The following LRRC4C variants were observed in gnomAD, a reference collection of about 807,000 sequenced individuals.
The protein encoded by LRRC4C is leucine-rich repeat-containing protein 4C.
LRRC4C carries 5 observed loss-of-function variants against 33.6 expected under a neutral mutation model. That is an observed-to-expected ratio of 0.15 (90% CI 0.08 to 0.31). The LOEUF (loss-of-function observed/expected upper bound fraction) is 0.31. Ranked by LOEUF, LRRC4C falls within the 10% of genes least tolerant of loss-of-function variation. LRRC4C has a pLI of 1.00. For missense variants in LRRC4C, 560 were observed against 796.7 expected (o/e 0.70, Z 3.58); for synonymous variants, 329 against 302.0 (o/e 1.09, Z -0.93).
chr11:41,375,990 G>A (rs1242683505), intron 1 of LRRC4C, among the ~76,000 whole-genome samples: 1 of 151,662 alleles, frequency 6.6e-6, no homozygotes, highest in Non-Finnish European at 1.5e-5. Flanking sequence ...ATGAAAGATT[G>A]GAGAATTCAC....
At chr11:40,929,163 T>C (rs1677151763) in intron 2 of LRRC4C, among the ~76,000 whole-genome samples, 4 of 152,166 alleles carry the variant, frequency 2.6e-5, no homozygotes, top group African/African-American at 9.7e-5. Flanking sequence ...TAAAGCAAAT[T>C]ATTAAAATAA....
intron 4 of LRRC4C, among the ~76,000 whole-genome samples, chr11:40,259,504 G>C (rs1376741977): frequency 6.6e-6 from 1 of 151,776 alleles, no homozygotes; most frequent in African/African-American, 2.4e-5. Flanking sequence ...TGTCCTGAAT[G>C]GTAATGCCTA....
intron 3 of LRRC4C, among the ~76,000 whole-genome samples, chr11:40,386,686 CT>C (rs1949125196): frequency 1.3e-5 from 2 of 152,074 alleles, no homozygotes; most frequent in Non-Finnish European, 2.9e-5. Context: ...GCTTTCTTCG[CT>C]TTTATTTTCA....
intron 2 of LRRC4C, among the ~76,000 whole-genome samples, chr11:40,765,529 C>A (rs1394807173): frequency 6.6e-6 from 1 of 152,052 alleles, no homozygotes; most frequent in East Asian, 1.9e-4. Flanking sequence ...ACCTTTCAGG[C>A]AGATAATTCA....
At chr11:40,817,863 C>T (rs900178703) in intron 2 of LRRC4C, among the ~76,000 whole-genome samples, 4 of 152,086 alleles carry the variant, frequency 2.6e-5, no homozygotes, top group Non-Finnish European at 5.9e-5. Flanking sequence ...AAGCTTCCTT[C>T]TATACTTCTA....
chr11:41,042,286 G>A (rs1408828005), intron 1 of LRRC4C, among the ~76,000 whole-genome samples: 3 of 152,114 alleles, frequency 2.0e-5, no homozygotes, highest in Non-Finnish European at 4.4e-5. Context: ...GAAACCAGGT[G>A]TGGCAACCTA....
intron 1 of LRRC4C, among the ~76,000 whole-genome samples, chr11:41,384,884 C>G (rs1469014065): frequency 6.7e-6 from 1 of 148,246 alleles, no homozygotes; most frequent in East Asian, 2.1e-4. Flanking sequence ...ACTATACAAA[C>G]TTTTTGGGGA....
intron 2 of LRRC4C, among the ~76,000 whole-genome samples, chr11:40,655,994 T>A (rs1415439244): frequency 6.6e-6 from 1 of 152,044 alleles, no homozygotes; most frequent in African/African-American, 2.4e-5. Flanking sequence ...CTCACTGTCA[T>A]GAGAACAGAA....
chr11:41,306,990 T>C (rs1303697389), intron 1 of LRRC4C, among the ~76,000 whole-genome samples: 1 of 152,182 alleles, frequency 6.6e-6, no homozygotes, highest in African/African-American at 2.4e-5. Context: ...CAAATCTAGA[T>C]AGTTGTAGTT....
Position 40,816,241 on chromosome 11 carries a change from C to A in LRRC4C, c.-407+117394G>T, listed in dbSNP as rs185654614. 7.9e-5 allele frequency among the ~76,000 whole-genome samples: 12 copies of A among 152,284 alleles called. No individual in the cohort carries two copies. The East Asian group carries it at 9.6e-4, about 12-fold the overall frequency. On this transcript the variant is annotated intron_variant, in intron 2 of 6. Transcript: ENST00000528697. ...GGCCACTAGAGGTTATCAGGAGGAA[C>A]TGGGATGTAAAAGCAAAAGCTTGAC... is the stretch of plus-strand genomic sequence containing the variant.
rs35317696 is a variant in LRRC4C, at chr11:40,732,048, C to CA, written c.-406-83771dup. Among the ~76,000 whole-genome samples the CA allele has an allele frequency of 1.6e-3, 240 of 145,606 alleles. 3 individuals are homozygous for CA. In the East Asian group the frequency reaches 0.023, roughly 14 times the overall value. ...GCCTGGGAAGTAAAGTAGTAATATG[C>CA]AAAAAAAAACCAAAAAAAAAACAAA... On this transcript the variant is annotated intron_variant, in intron 2 of 6. Transcript: ENST00000528697.
At chr11:40,836,692 GTTTAC>G (rs1952685470) in intron 2 of LRRC4C, among the ~76,000 whole-genome samples, 1 of 152,104 alleles carries the variant, frequency 6.6e-6, no homozygotes. Flanking sequence ...CAACGTCGAT[GTTTAC>G]TTTGCTAGAT....
At chr11:40,697,392 TA>T (rs1255102013) in intron 2 of LRRC4C, among the ~76,000 whole-genome samples, 1 of 152,172 alleles carries the variant, frequency 6.6e-6, no homozygotes, top group Non-Finnish European at 1.5e-5. Context: ...AAAAATTATG[TA>T]GATGCTAGTG....
intron 1 of LRRC4C, among the ~76,000 whole-genome samples, chr11:41,157,249 T>C (rs1944273615): frequency 6.6e-6 from 1 of 152,028 alleles, no homozygotes; most frequent in Non-Finnish European, 1.5e-5. Context: ...AAACAAAGGT[T>C]TTTATAAGGC....
rs572921197 is a variant in LRRC4C, at chr11:41,112,784, CAG to C, written c.-495-179063_-495-179062del. Among the ~76,000 whole-genome samples the C allele has an allele frequency of 8.5e-5, 13 of 152,144 alleles. No homozygotes were observed. The South Asian group carries it at 2.7e-3, about 32-fold the overall frequency. ...TTTCAAATCTGAGTAAAAAGAGAGT[CAG>C]AGCACATTCATTATACTCAAGATCA... On this transcript the variant is annotated intron_variant, in intron 1 of 6. Transcript: ENST00000528697.
chr11:40,331,226 C>A (rs955712615), intron 3 of LRRC4C, among the ~76,000 whole-genome samples: 5 of 152,166 alleles, frequency 3.3e-5, no homozygotes, highest in African/African-American at 1.2e-4. Context: ...ATGGAGGTTT[C>A]TCCAAAAGCT....
chr11:41,196,629 A>G (rs1453590911), intron 1 of LRRC4C, among the ~76,000 whole-genome samples: 2 of 152,086 alleles, frequency 1.3e-5, no homozygotes, highest in Non-Finnish European at 2.9e-5. Flanking sequence ...CATAAAATGC[A>G]AGAATGAATA....
At chr11:41,167,880 T>C (rs1485506804) in intron 1 of LRRC4C, among the ~76,000 whole-genome samples, 1 of 152,142 alleles carries the variant, frequency 6.6e-6, no homozygotes, top group Non-Finnish European at 1.5e-5. Context: ...TTCAAGTAAT[T>C]TGACTAACTA....
In LRRC4C at chr11:40,544,859, T is replaced by C. The variant is rs562324932; in HGVS notation, c.-270+103283A>G. On this transcript the variant is annotated intron_variant, in intron 3 of 6. Coordinates refer to ENST00000528697, the MANE Select transcript of LRRC4C (RefSeq NM_001258419.2). ...GTCCTTTATTTCTATAAAGGGTTAA[T>C]ACATGGTCAGAATCTAAAAACGATC... Among the ~76,000 whole-genome samples, 26 of 152,214 alleles carry C rather than the reference T, an allele frequency of 1.7e-4. No homozygotes were observed. The South Asian group carries it at 2.3e-3, about 13-fold the overall frequency.
Sources: gnomAD v4.1 joint callset for allele counts (sites outside exome capture counted in the v4.1 genomes callset) on GRCh38, gnomAD v4.1.1 for gene constraint, MANE v1.5 for transcripts, NCBI Gene and HGNC (gene_info 2026-07-23, HGNC 2026-07-21) for gene names.